The following APBB2 variants were observed in gnomAD, a reference collection of about 807,000 sequenced individuals.
The protein encoded by APBB2 is amyloid beta precursor protein binding family B member 2, also known as Fe65-like 1.
A neutral mutation model predicts 82.5 loss-of-function variants in APBB2; 38 were observed. That is an observed-to-expected ratio of 0.46 (90% CI 0.36 to 0.60). The LOEUF (loss-of-function observed/expected upper bound fraction) is 0.60, where lower values mean the gene tolerates loss of function less well. Among genes scored for constraint, APBB2 ranks in the 20% least tolerant of loss-of-function variants. The pLI, the probability that APBB2 is intolerant of heterozygous loss-of-function variation, is 0.00. For missense variants in APBB2, 772 were observed against 972.3 expected (o/e 0.79, Z 2.74); for synonymous variants, 341 against 368.2 (o/e 0.93, Z 0.85).
At chr4:41,069,273 G>C (rs1733015165) in intron 3 of APBB2, among the ~76,000 whole-genome samples, 1 of 152,182 alleles carries the variant, frequency 6.6e-6, no homozygotes, top group Non-Finnish European at 1.5e-5. Context: ...TAAAACAGTA[G>C]TTATGCCATC....
intron 7 of APBB2, among the ~76,000 whole-genome samples, chr4:40,942,413 T>C (rs1787252315): frequency 1.3e-5 from 2 of 152,204 alleles, no homozygotes; most frequent in Non-Finnish European, 2.9e-5. Flanking sequence ...CCTCGGGCTC[T>C]AGAGTCCTGG....
intron 12 of APBB2, among the ~76,000 whole-genome samples, chr4:40,851,734 ATATAT>A (rs1156321913): frequency 9.8e-5 from 6 of 61,032 alleles, no homozygotes; most frequent in Admixed American, 1.6e-4. Flanking sequence ...ATATATATAT[ATATAT>A]TTTTTTTTTT....
At chr4:41,086,489 G>A (rs2153944446) in intron 3 of APBB2, among the ~76,000 whole-genome samples, 1 of 152,232 alleles carries the variant, frequency 6.6e-6, no homozygotes. Flanking sequence ...ACTTATCTCT[G>A]GAATGCAAGG....
intron 2 of APBB2, among the ~76,000 whole-genome samples, chr4:41,120,213 C>T (rs575978357): frequency 6.6e-6 from 1 of 152,312 alleles, no homozygotes; most frequent in South Asian, 2.1e-4. Flanking sequence ...TAATTTTCCA[C>T]AGTCCTCTTG....
intron 6 of APBB2, among the ~76,000 whole-genome samples, chr4:40,982,406 A>AAAGGAAAGGAAAGGAAAGG (rs1799245697): frequency 1.2e-5 from 1 of 85,716 alleles, no homozygotes; most frequent in African/African-American, 5.5e-5. Flanking sequence ...GAAAGGAAAG[A>AAAGGAAAGGAAAGGAAAGG]AAGAAAGAAA....
intron 6 of APBB2, among the ~76,000 whole-genome samples, chr4:40,982,269 A>AGAAG (rs1560446069): frequency 9.0e-5 from 3 of 33,454 alleles, no homozygotes; most frequent in African/African-American, 2.6e-4. Flanking sequence ...AAAGAAAGAA[A>AGAAG]GAAAGAAAGA....
intron 12 of APBB2, among the ~76,000 whole-genome samples, chr4:40,845,370 C>T (rs1350331238): frequency 1.3e-5 from 2 of 151,980 alleles, no homozygotes; most frequent in African/African-American, 4.8e-5. Context: ...AAGTCTACTC[C>T]CTTCTCGCTG....
intron 4 of APBB2, among the ~76,000 whole-genome samples, chr4:41,061,376 G>C (rs1472554317): frequency 6.6e-6 from 1 of 152,180 alleles, no homozygotes; most frequent in Non-Finnish European, 1.5e-5. Context: ...AGATGGTACA[G>C]CCTACTACAC....
rs1411636883 is a variant in APBB2 at position 40,814,128 on chromosome 4, C to G, written c.*1964G>C. On this transcript the variant is annotated 3_prime_UTR_variant, in exon 18 of 18. Transcript: ENST00000508593. ...GCTAAGTACCATGAGTTAGGAATGT[C>G]TACCACAAGTAGCATCTGGAAAATC... is the stretch of plus-strand genomic sequence containing the variant. 2 of 152,192 alleles carry G rather than the reference C, an allele frequency of 1.3e-5. No individual in the cohort carries two copies. Among genetic ancestry groups the G allele is most frequent in the Non-Finnish European group, 2.9e-5 (2 of 68,054 alleles). 9.4% of individuals were successfully genotyped at this position (152,192 alleles called of 1,614,324 possible). A position where few individuals can be genotyped will look rare whatever the true frequency, so the allele number is the denominator to read the frequency against.
chr4:40,897,435 T>C (rs909788393), intron 10 of APBB2, among the ~76,000 whole-genome samples: 6 of 152,084 alleles, frequency 3.9e-5, no homozygotes, highest in Non-Finnish European at 8.8e-5. Flanking sequence ...AAAGAATCGT[T>C]TGAACCCGGG....
intron 6 of APBB2, among the ~76,000 whole-genome samples, chr4:41,000,291 A>T (rs1274217701): frequency 6.6e-6 from 1 of 152,066 alleles, no homozygotes; most frequent in African/African-American, 2.4e-5. Flanking sequence ...ATAAATATTT[A>T]AAAAGGGCAA....
At chr4:41,126,277 G>C (rs1372692121) in intron 2 of APBB2, among the ~76,000 whole-genome samples, 1 of 151,922 alleles carries the variant, frequency 6.6e-6, no homozygotes, top group African/African-American at 2.4e-5. Context: ...CCAGCTACTT[G>C]GGAGGCTGAA....
intron 10 of APBB2, among the ~76,000 whole-genome samples, chr4:40,898,853 ACT>A (rs151170383): frequency 2.4e-5 from 2 of 83,940 alleles, no homozygotes; most frequent in African/African-American, 3.7e-5. Context: ...ACACACACAC[ACT>A]CACACACACA....
chr4:40,952,908 T>C (rs997797088), intron 6 of APBB2, among the ~76,000 whole-genome samples: 3 of 152,170 alleles, frequency 2.0e-5, no homozygotes, highest in Non-Finnish European at 2.9e-5. Context: ...AGCTGCCCTA[T>C]GAAGGAGGCA....
At chr4:40,955,829 G>A (rs11735411) in intron 6 of APBB2, among the ~76,000 whole-genome samples, 22,339 of 151,702 alleles carry the variant, frequency 0.15, 2,132 homozygotes, top group Non-Finnish European at 0.21. Flanking sequence ...CAGGCTGAAT[G>A]CAATGGCATG....
chr4:41,124,415 A>G (rs1264108673), intron 2 of APBB2, among the ~76,000 whole-genome samples: 1 of 152,004 alleles, frequency 6.6e-6, no homozygotes, highest in East Asian at 1.9e-4. Context: ...AGACCGTGTT[A>G]GCCAGGATGG....
chr4:40,907,737 C>T (rs1005750279), intron 10 of APBB2, among the ~76,000 whole-genome samples: 8 of 137,484 alleles, frequency 5.8e-5, no homozygotes, highest in South Asian at 2.3e-4. Flanking sequence ...TGAAATGGCG[C>T]GATCTTAGCT....
At chr4:40,861,538 A>G (rs950701267) in intron 12 of APBB2, among the ~76,000 whole-genome samples, 5 of 152,188 alleles carry the variant, frequency 3.3e-5, no homozygotes, top group African/African-American at 1.2e-4. Context: ...AAAATAAATG[A>G]ATAAATGAAT....
chr4:41,212,854 C>T (rs1480440213), intron 1 of APBB2, among the ~76,000 whole-genome samples: 1 of 152,198 alleles, frequency 6.6e-6, no homozygotes, highest in Non-Finnish European at 1.5e-5. Flanking sequence ...CAAATACCAT[C>T]CTTCACGAAC....
Sources: allele counts gnomAD v4.1 joint callset (sites outside exome capture counted in the v4.1 genomes callset), GRCh38; gene constraint gnomAD v4.1.1; transcripts MANE v1.5; gene names NCBI Gene and HGNC (gene_info 2026-07-23, HGNC 2026-07-21).